Variants in TTC6 observed in about 807,000 individuals in gnomAD.
TTC6 encodes tetratricopeptide repeat domain 6.
TTC6 carries 172 observed loss-of-function variants against 210.4 expected under a neutral mutation model. That is an observed-to-expected ratio of 0.82 (90% CI 0.72 to 0.93). The LOEUF is 0.93. Among genes scored for constraint, TTC6 ranks in the 40% least tolerant of loss-of-function variants. TTC6 has a pLI of 0.00. For synonymous variants in TTC6, 804 were observed against 819.6 expected, an observed-to-expected ratio of 0.98 and a Z score of 0.32; for missense variants, 2,414 against 2,318.1, an observed-to-expected ratio of 1.04 and a Z score of -0.85.
At chr14:37,773,203 C>A (rs1376745710) in intron 14 of TTC6, among the ~76,000 whole-genome samples, 1 of 152,032 alleles carries the variant, frequency 6.6e-6, no homozygotes, top group Non-Finnish European at 1.5e-5. Context: ...ATACTTTCTC[C>A]CATTCAGTAG....
rs1222125581 is a variant in TTC6 at position 37,719,676 on chromosome 14, T to TA, written c.1713+4880_1713+4881insA. Among the ~76,000 whole-genome samples, 4 of 152,270 alleles carry TA rather than the reference T, an allele frequency of 2.6e-5. No homozygotes were observed. The East Asian group carries it at 7.7e-4, about 29-fold the overall frequency. On this transcript the variant is annotated intron_variant, in intron 6 of 30. Transcript: ENST00000553443. ...GCCAGAAAAAGAACCCTGACCTAAG[T>TA]CTTGCATCCTATAAAAAATGTACTT... is the stretch of plus-strand genomic sequence containing the variant.
intron 3 of TTC6, among the ~76,000 whole-genome samples, chr14:37,690,953 G>A (rs1040883288): frequency 6.6e-6 from 1 of 152,034 alleles, no homozygotes; most frequent in Non-Finnish European, 1.5e-5. Context: ...CATTCTCCAG[G>A]ATAGACCATA....
chr14:37,614,466 T>C (rs1477408920), intron 2 of TTC6, among the ~76,000 whole-genome samples: 1 of 152,148 alleles, frequency 6.6e-6, no homozygotes, highest in Non-Finnish European at 1.5e-5. Flanking sequence ...TTTTCGTACA[T>C]TATTTTTAAA....
At chr14:37,713,426 CGA>C (rs2095847708) in intron 5 of TTC6, among the ~76,000 whole-genome samples, 1 of 152,102 alleles carries the variant, frequency 6.6e-6, no homozygotes. Flanking sequence ...TTAGTAGAGA[CGA>C]GGTTTTGCTA....
At chr14:37,701,956 A>G (rs1407049289) in intron 5 of TTC6, among the ~76,000 whole-genome samples, 2 of 152,148 alleles carry the variant, frequency 1.3e-5, no homozygotes, top group African/African-American at 4.8e-5. Context: ...ATCACATACA[A>G]AAGTCATTGC....
intron 29 of TTC6, among the ~76,000 whole-genome samples, chr14:37,835,071 A>G (rs1215547105): frequency 2.0e-5 from 3 of 152,150 alleles, no homozygotes; most frequent in Admixed American, 6.5e-5. Context: ...GAGGTAGCAC[A>G]TGGGGGCCAT....
At chr14:37,602,773 A>G (rs1321467177) in intron 1 of TTC6, among the ~76,000 whole-genome samples, 1 of 152,114 alleles carries the variant, frequency 6.6e-6, no homozygotes, top group East Asian at 1.9e-4. Flanking sequence ...CGGAACTTGG[A>G]TCAAGCCTCA....
chr14:37,772,729 G>A lies in TTC6; in HGVS notation c.3267-14739G>A, dbSNP rs550544882. ...TGGCAGTCCCTAGTGAGATGAACCC[G>A]GTACCTCAGATGGAAATGCAGATAT... On this transcript the variant is annotated intron_variant, in intron 14 of 30. Transcript: ENST00000553443. Among the ~76,000 whole-genome samples the A allele has an allele frequency of 4.8e-3, 728 of 152,212 alleles. 3 individuals carry two copies. The highest frequency in any genetic ancestry group is 7.8e-3 in the Non-Finnish European group (530 of 68,006).
intron 1 of TTC6, among the ~76,000 whole-genome samples, chr14:37,628,535 A>G (rs1214505484): frequency 6.6e-6 from 1 of 151,764 alleles, no homozygotes; most frequent in African/African-American, 2.4e-5. Context: ...GATTGCAAAA[A>G]TTTTCTCCCA....
At chr14:37,727,418 C>T (rs954269739) in intron 7 of TTC6, among the ~76,000 whole-genome samples, 7 of 151,272 alleles carry the variant, frequency 4.6e-5, no homozygotes, top group Middle Eastern at 3.4e-3. Flanking sequence ...CTCAGCCTCC[C>T]GAGTAGCCGG....
intron 1 of TTC6, among the ~76,000 whole-genome samples, chr14:37,679,482 T>A (rs1414735013): frequency 6.6e-6 from 1 of 152,146 alleles, no homozygotes; most frequent in African/African-American, 2.4e-5. Flanking sequence ...CAGTGAGGTT[T>A]TAAGCATATT....
chr14:37,750,817 G>A (rs1389191140), intron 12 of TTC6, among the ~76,000 whole-genome samples: 1 of 152,124 alleles, frequency 6.6e-6, no homozygotes, highest in African/African-American at 2.4e-5. Flanking sequence ...TTGAGCCCTG[G>A]AGGTCGAGGC....
chr14:37,748,897 T>G (rs1248512028), intron 10 of TTC6, 42 bp from the exon 13 acceptor site: 5 of 1,385,514 alleles, frequency 3.6e-6, no homozygotes, highest in Non-Finnish European at 4.7e-6. Flanking sequence ...GAAAGATGAT[T>G]GTATTTCTGT....
chr14:37,662,811 C>G (rs1301072482), intron 1 of TTC6, among the ~76,000 whole-genome samples: 1 of 152,060 alleles, frequency 6.6e-6, no homozygotes, highest in Admixed American at 6.6e-5. Flanking sequence ...TTTACTGTAG[C>G]CCTGTAGTAT....
chr14:37,686,917 T>A (rs944059623), intron 3 of TTC6, among the ~76,000 whole-genome samples: 1 of 152,172 alleles, frequency 6.6e-6, no homozygotes, highest in East Asian at 1.9e-4. Flanking sequence ...ACTTGCTGAT[T>A]GAATTTGTAG....
chr14:37,641,999 A>G (rs1236545733), intron 1 of TTC6, among the ~76,000 whole-genome samples: 3 of 152,204 alleles, frequency 2.0e-5, no homozygotes, highest in Non-Finnish European at 4.4e-5. Context: ...GATGTATTAC[A>G]TACATGCAGA....
chr14:37,817,129 A>G (rs995271743), intron 25 of TTC6, among the ~76,000 whole-genome samples: 4 of 152,186 alleles, frequency 2.6e-5, no homozygotes, highest in Admixed American at 2.0e-4. Context: ...CCTTTCCCCA[A>G]CCTGGATGCC....
chr14:37,642,873 C>G (rs942781959), intron 1 of TTC6, among the ~76,000 whole-genome samples: 1 of 152,186 alleles, frequency 6.6e-6, no homozygotes, highest in Non-Finnish European at 1.5e-5. Context: ...TGTATCTAAA[C>G]AGTGTAACTA....
At chr14:37,816,685 A>G (rs1043982008) in intron 25 of TTC6, among the ~76,000 whole-genome samples, 4 of 152,184 alleles carry the variant, frequency 2.6e-5, no homozygotes, top group East Asian at 3.9e-4. Flanking sequence ...AAATCAATCT[A>G]CATCTCATAT....
Sources: gnomAD v4.1 joint callset for allele counts (sites outside exome capture counted in the v4.1 genomes callset) on GRCh38, gnomAD v4.1.1 for gene constraint, MANE v1.5 for transcripts, NCBI Gene and HGNC (gene_info 2026-07-23, HGNC 2026-07-21) for gene names.